Variants in ASIC5 observed in about 807,000 individuals in gnomAD.
ASIC5 encodes the protein bile acid-sensitive ion channel.
In ASIC5, 52 loss-of-function variants were observed where a neutral mutation model predicts 51.2. The ratio of observed to expected loss-of-function variants is 1.02; its 90% CI spans 0.81 to 1.28. The LOEUF (loss-of-function observed/expected upper bound fraction) is 1.28. Among genes scored for constraint, ASIC5 ranks in the 50% most tolerant of loss-of-function variants. The pLI is 0.00. For synonymous variants in ASIC5, 231 were observed against 200.7 expected (o/e 1.15, Z -1.28); for missense variants, 635 against 595.0 (o/e 1.07, Z -0.70).
intron 9 of ASIC5, among the ~76,000 whole-genome samples, chr4:155,831,407 A>G (rs1304610954): frequency 6.6e-6 from 1 of 152,194 alleles, no homozygotes; most frequent in East Asian, 1.9e-4. Flanking sequence ...AGTTCAATTG[A>G]TTCTTGTCCT....
At chr4:155,841,478 A>T (rs2111236955) in intron 6 of ASIC5, among the ~76,000 whole-genome samples, 1 of 152,258 alleles carries the variant, frequency 6.6e-6, no homozygotes, top group East Asian at 1.9e-4. Context: ...GAGAAATTGT[A>T]GAGCCGACAT....
intron 4 of ASIC5, among the ~76,000 whole-genome samples, chr4:155,850,201 T>G (rs563130604): frequency 6.6e-6 from 1 of 152,026 alleles, no homozygotes; most frequent in Admixed American, 6.6e-5. Flanking sequence ...TTAAAGTTAT[T>G]CCTTTGCTCA....
At chr4:155,865,439 C>A (rs1409640533) in intron 1 of ASIC5, among the ~76,000 whole-genome samples, 1 of 151,996 alleles carries the variant, frequency 6.6e-6, no homozygotes, top group Non-Finnish European at 1.5e-5. Flanking sequence ...GATAAAAGAA[C>A]AACTCAGTCT....
chr4:155,843,803 C>A lies in ASIC5; in HGVS notation c.739G>T (p.Gly247Cys), dbSNP rs770336848. 63 of 1,613,416 alleles carry A rather than the reference C, an allele frequency of 3.9e-5. No individual in the cohort carries two copies. In the Admixed American group the frequency reaches 1.1e-3, roughly 27 times the overall value. The change falls in exon 5 of 10, where the codon GGT (glycine) becomes TGT (cysteine). Residue 247 changes from glycine (G) to cysteine (C), a missense_variant. By Grantham distance (159) the Gly-to-Cys change is radical (BLOSUM62 -3). Coordinates refer to ENST00000537611, the MANE Select transcript of ASIC5 (RefSeq NM_017419.3). Reference sequence around the variant, plus strand: ...AAGATGATCCCAGCATCAACGAAACCAAGGGCTGGGTTATCAGTGAATGCC... The same window carrying A: ...AAGATGATCCCAGCATCAACGAAACAAAGGGCTGGGTTATCAGTGAATGCC... ...QEAFTDNPAL[G>C]FVDAGIIFVI...
chr4:155,864,392 A>G (rs1038957172), intron 1 of ASIC5: 4 of 152,208 alleles, frequency 2.6e-5, no homozygotes, highest in South Asian at 2.1e-4. Context: ...GAATCAATCA[A>G]TAATATTTAT....
chr4:155,844,548 C>T (rs1006136669), intron 4 of ASIC5, among the ~76,000 whole-genome samples: 2 of 152,074 alleles, frequency 1.3e-5, no homozygotes, highest in South Asian at 2.1e-4. Context: ...GCTCAGAAAT[C>T]ATATAATTTG....
chr4:155,843,210 C>G (rs1230197589), intron 5 of ASIC5, among the ~76,000 whole-genome samples: 1 of 152,082 alleles, frequency 6.6e-6, no homozygotes, highest in Non-Finnish European at 1.5e-5. Context: ...CTTAAACTTC[C>G]TTACTATGAA....
At chr4:155,846,038 T>G (rs1741235598) in intron 4 of ASIC5, among the ~76,000 whole-genome samples, 1 of 151,926 alleles carries the variant, frequency 6.6e-6, no homozygotes, top group Admixed American at 6.6e-5. Context: ...CTACAGAAAA[T>G]ATATAAAAGG....
intron 5 of ASIC5, among the ~76,000 whole-genome samples, chr4:155,842,705 A>T (rs547364489): frequency 1.4e-3 from 215 of 152,258 alleles, no homozygotes; most frequent in African/African-American, 5.0e-3. Flanking sequence ...TTTTAAAAAG[A>T]TCCTTTAATA....
intron 4 of ASIC5, among the ~76,000 whole-genome samples, chr4:155,847,639 T>C (rs974822809): frequency 7.9e-5 from 12 of 151,986 alleles, no homozygotes; most frequent in Admixed American, 3.9e-4. Flanking sequence ...TGAGAATCAC[T>C]TGAACCCAGT....
At chr4:155,860,636 A>T (rs1218182144) in intron 2 of ASIC5, among the ~76,000 whole-genome samples, 1 of 151,914 alleles carries the variant, frequency 6.6e-6, no homozygotes, top group Non-Finnish European at 1.5e-5. Flanking sequence ...CTTATAATTA[A>T]GAATTTTCCT....
Position 155,854,206 on chromosome 4 carries a change from T to C in ASIC5, c.456A>G (p.Arg152=), listed in dbSNP as rs1579295048. ...QEITANSTGS[R]EATDFAASHQ... The stretch of plus-strand genomic sequence containing the variant: ...GACTTGCAGCAAAATCAGTAGCCTC[T>C]CTAGAGCCAGTGGAATTGGCAGTAA... Residue 152 remains arginine, a synonymous_variant, in exon 3 of 10, where the codon AGA becomes AGG. Transcript: ENST00000537611. The C allele has an allele frequency of 6.2e-7, 1 of 1,613,336 alleles. No individual in the cohort carries two copies. Among genetic ancestry groups the C allele is most frequent in the Non-Finnish European group, 8.5e-7 (1 of 1,179,556 alleles).
intron 2 of ASIC5, among the ~76,000 whole-genome samples, chr4:155,861,452 T>C (rs998969460): frequency 6.6e-6 from 1 of 152,012 alleles, no homozygotes; most frequent in African/African-American, 2.4e-5. Flanking sequence ...TCAGGTAACA[T>C]ATATTACTTT....
chr4:155,849,645 T>C (rs1741333498), intron 4 of ASIC5, among the ~76,000 whole-genome samples: 1 of 152,080 alleles, frequency 6.6e-6, no homozygotes, highest in Non-Finnish European at 1.5e-5. Flanking sequence ...TTTTATTATT[T>C]TCTACAGTTT....
intron 5 of ASIC5, 125 bp downstream of exon 5, chr4:155,843,556 T>C (rs2111240555): frequency 9.5e-7 from 1 of 1,052,452 alleles, no homozygotes; most frequent in East Asian, 2.4e-5. Flanking sequence ...TAATCTGAAA[T>C]GAAATTTTGG....
At chr4:155,852,114 A>T in intron 4 of ASIC5, 77 bp downstream of exon 4, 1 of 1,452,990 alleles carries the variant, frequency 6.9e-7, no homozygotes, top group Non-Finnish European at 9.6e-7. Context: ...ACTATCTGAT[A>T]TGGCCCAATA....
chr4:155,852,830 C>T (rs1156618531), intron 3 of ASIC5, among the ~76,000 whole-genome samples: 1 of 151,888 alleles, frequency 6.6e-6, no homozygotes, highest in Non-Finnish European at 1.5e-5. Flanking sequence ...TGATATGTGT[C>T]CCAAGTGGAG....
chr4:155,851,857 A>G (rs926817095), intron 4 of ASIC5, among the ~76,000 whole-genome samples: 1 of 152,016 alleles, frequency 6.6e-6, no homozygotes, highest in African/African-American at 2.4e-5. Context: ...TATTTCTAAA[A>G]TTATTGTTCA....
At chr4:155,832,911 G>T (rs1190701221) in intron 8 of ASIC5, among the ~76,000 whole-genome samples, 1 of 151,772 alleles carries the variant, frequency 6.6e-6, no homozygotes. Flanking sequence ...AACAAATATT[G>T]TCAGGAAGGA....
Sources: gnomAD v4.1 joint callset for allele counts (sites outside exome capture counted in the v4.1 genomes callset) on GRCh38, gnomAD v4.1.1 for gene constraint, MANE v1.5 for transcripts, NCBI Gene and HGNC (gene_info 2026-07-23, HGNC 2026-07-21) for gene names.